CEMIP2: variants seen among roughly 807,000 people sequenced by gnomAD.
The protein encoded by CEMIP2 is cell migration inducing hyaluronidase 2.
A neutral mutation model predicts 146.9 loss-of-function variants in CEMIP2; 79 were observed. The observed-to-expected ratio is 0.54, with a 90% confidence interval of 0.45 to 0.65. CEMIP2 has a LOEUF of 0.65. Ranked by LOEUF, CEMIP2 falls within the 30% of genes least tolerant of loss-of-function variation. The pLI, the probability that CEMIP2 is intolerant of heterozygous loss-of-function variation, is 0.00. For missense variants in CEMIP2, 1,596 were observed against 1,696.2 expected (o/e 0.94, Z 1.04); for synonymous variants, 601 against 606.3 (o/e 0.99, Z 0.13).
intron 16 of CEMIP2, among the ~76,000 whole-genome samples, chr9:71,710,305 C>T (rs1472330689): frequency 6.6e-6 from 1 of 152,104 alleles, no homozygotes; most frequent in African/African-American, 2.4e-5. Context: ...CAGGCAGATA[C>T]CTCTCTTAAA....
In CEMIP2 at chr9:71,750,043, C is replaced by T. The variant is rs1384812687; in HGVS notation, c.331G>A (p.Glu111Lys). Reference sequence around the variant, plus strand: ...TCTATGTGCATATACACACACTTACCATCTGGAGCATATTTTGAGGATATT... The same window carrying T: ...TCTATGTGCATATACACACACTTACTATCTGGAGCATATTTTGAGGATATT... ...LGISSKYAPD[E>K]NCPDQNPRLR... Residue 111 changes from glutamate (E) to lysine (K), a missense_variant and splice_region_variant, in exon 2 of 24, where the codon GAA becomes AAA. Transcript: ENST00000377044. 3 of 1,593,174 alleles carry T rather than the reference C, an allele frequency of 1.9e-6. No homozygotes were observed. The highest frequency in any genetic ancestry group is 2.6e-6 in the Non-Finnish European group (3 of 1,169,406).
At chr9:71,728,231 C>CTATATA (rs767770130) in intron 10 of CEMIP2, among the ~76,000 whole-genome samples, 11 of 14,776 alleles carry the variant, frequency 7.4e-4, no homozygotes, top group Non-Finnish European at 7.5e-4. Flanking sequence ...CTCTCTCTCT[C>CTATATA]TATATATATA....
chr9:71,732,613 A>C (rs995858312), intron 6 of CEMIP2, 93 bp from the exon 7 acceptor site: 131 of 1,185,922 alleles, frequency 1.1e-4, no homozygotes, highest in Middle Eastern at 6.6e-4. Context: ...CCATAACCCC[A>C]AGATGATCCT....
intron 1 of CEMIP2, among the ~76,000 whole-genome samples, chr9:71,764,532 T>C (rs576616530): frequency 1.3e-5 from 2 of 152,258 alleles, no homozygotes; most frequent in South Asian, 2.1e-4. Flanking sequence ...GGGTCCCAAC[T>C]TCCTTGTTTT....
chr9:71,729,712 TA>T, intron 10 of CEMIP2, 132 bp downstream of exon 10: 1 of 812,106 alleles, frequency 1.2e-6, no homozygotes, highest in Non-Finnish European at 2.1e-6. Context: ...TGCTCTCAAC[TA>T]AACAAGTAGT....
chr9:71,712,402 C>A (rs1822932599), intron 15 of CEMIP2, 142 bp from the exon 16 acceptor site: 1 of 701,072 alleles, frequency 1.4e-6, no homozygotes, highest in Non-Finnish European at 2.4e-6. Flanking sequence ...AACAAGATAC[C>A]TGATTGAATG....
intron 16 of CEMIP2, among the ~76,000 whole-genome samples, chr9:71,710,938 A>G (rs1218174776): frequency 6.6e-6 from 1 of 152,190 alleles, no homozygotes; most frequent in Non-Finnish European, 1.5e-5. Context: ...TGATAAACCT[A>G]TCAAGCTCTA....
intron 18 of CEMIP2, among the ~76,000 whole-genome samples, chr9:71,701,155 G>T (rs1032224657): frequency 6.6e-6 from 1 of 152,008 alleles, no homozygotes; most frequent in African/African-American, 2.4e-5. Flanking sequence ...ACTCAGGCTG[G>T]AGTGCAGTGG....
chr9:71,730,983 T>C, intron 7 of CEMIP2, 69 bp from the exon 8 acceptor site: 1 of 1,294,766 alleles, frequency 7.7e-7, no homozygotes, highest in Non-Finnish European at 1.1e-6. Flanking sequence ...AATATTGTTC[T>C]AGTAGAAAAC....
chr9:71,727,756 C>T (rs1232204188), intron 10 of CEMIP2, among the ~76,000 whole-genome samples: 4 of 152,214 alleles, frequency 2.6e-5, no homozygotes, highest in Non-Finnish European at 4.4e-5. Flanking sequence ...CGATAGCATA[C>T]TATCTTAAAA....
chr9:71,768,870 G>C (rs1163926134), upstream of CEMIP2: 1 of 148,650 alleles, frequency 6.7e-6, no homozygotes, highest in Non-Finnish European at 1.5e-5. Context: ...CAAGCAGCCC[G>C]GCTCGGCTGG....
At chr9:71,759,836 G>GA in intron 1 of CEMIP2, among the ~76,000 whole-genome samples, 1 of 145,538 alleles carries the variant, frequency 6.9e-6, no homozygotes, top group Non-Finnish European at 1.5e-5. Flanking sequence ...GGTGGGGGGG[G>GA]GATGGCAGGG....
Position 71,712,107 on chromosome 9 carries a change from G to T in CEMIP2, c.2745C>A (p.Ile915=), listed in dbSNP as rs762710217. ...CATGTGGACCAAACTTCACGAGGGAGATATTATTCCTGGGGGTTATCTGCC... is the reference window on the plus strand; with the variant it reads ...CATGTGGACCAAACTTCACGAGGGATATATTATTCCTGGGGGTTATCTGCC... ...NSWQITPRNN[I]SLVKFGPHVS... The change falls in exon 16 of 24, where the codon ATC becomes ATA. Residue 915 remains isoleucine, a synonymous_variant. Coordinates refer to ENST00000377044, the MANE Select transcript of CEMIP2 (RefSeq NM_013390.3). 1 of 1,614,122 alleles carries T rather than the reference G, an allele frequency of 6.2e-7. No homozygotes were observed. Among genetic ancestry groups the T allele is most frequent in the East Asian group, 2.2e-5 (1 of 44,884 alleles).
intron 1 of CEMIP2, among the ~76,000 whole-genome samples, chr9:71,755,415 C>T (rs1338074824): frequency 2.0e-5 from 3 of 150,152 alleles, no homozygotes; most frequent in Non-Finnish European, 2.9e-5. Flanking sequence ...GGTTCCATGC[C>T]TGTAGCCCTA....
intron 15 of CEMIP2, among the ~76,000 whole-genome samples, chr9:71,713,948 G>A (rs2131914552): frequency 6.6e-6 from 1 of 152,168 alleles, no homozygotes; most frequent in Admixed American, 6.5e-5. Context: ...TGGCTTCTAT[G>A]GGCTAACACG....
chr9:71,688,634 T>A (rs1822141010), intron 22 of CEMIP2, among the ~76,000 whole-genome samples: 2 of 151,920 alleles, frequency 1.3e-5, no homozygotes. Context: ...GTGATCCTCC[T>A]GCCTCAGACT....
intron 3 of CEMIP2, 63 bp downstream of exon 3, chr9:71,746,138 A>C: frequency 6.4e-7 from 1 of 1,570,402 alleles, no homozygotes; most frequent in Non-Finnish European, 8.6e-7. Context: ...CATAAGGAAC[A>C]TCAAATATCC....
intron 20 of CEMIP2, among the ~76,000 whole-genome samples, chr9:71,695,791 C>T (rs1443643576): frequency 6.6e-6 from 1 of 152,032 alleles, no homozygotes; most frequent in East Asian, 1.9e-4. Flanking sequence ...CTATTTACTC[C>T]TAATATAAAT....
intron 15 of CEMIP2, 184 bp from the exon 16 acceptor site, chr9:71,712,444 A>C: frequency 1.7e-6 from 1 of 588,468 alleles, no homozygotes; most frequent in Non-Finnish European, 3.0e-6. Context: ...AGACAAACAG[A>C]AAAACAAAGG....
Sources: allele counts gnomAD v4.1 joint callset (sites outside exome capture counted in the v4.1 genomes callset), GRCh38; gene constraint gnomAD v4.1.1; transcripts MANE v1.5; gene names NCBI Gene and HGNC (gene_info 2026-07-23, HGNC 2026-07-21).